The following RBM46 variants were observed in gnomAD, a reference collection of about 807,000 sequenced individuals.
RBM46 encodes probable RNA-binding protein 46.
RBM46 carries 12 observed loss-of-function variants against 43.3 expected under a neutral mutation model. The observed-to-expected ratio is 0.28, with a 90% CI of 0.18 to 0.45. The LOEUF is 0.45. Among genes scored for constraint, RBM46 ranks in the 20% least tolerant of loss-of-function variants. The probability of loss-of-function intolerance (pLI) is 1.00; values close to 1 mark genes in which losing one functional copy is unlikely to be tolerated. For synonymous variants in RBM46, 205 were observed against 207.6 expected, an observed-to-expected ratio of 0.99 and a Z score of 0.11; for missense variants, 412 against 639.1, an observed-to-expected ratio of 0.64 and a Z score of 3.83.
intron 2 of RBM46, among the ~76,000 whole-genome samples, chr4:154,797,116 G>C (rs914478164): frequency 1.3e-5 from 2 of 151,976 alleles, no homozygotes; most frequent in African/African-American, 4.8e-5. Context: ...AGAAGCAGTT[G>C]AGAAAGAAGC....
intron 1 of RBM46, among the ~76,000 whole-genome samples, chr4:154,784,400 T>G (rs1271942026): frequency 6.6e-6 from 1 of 152,210 alleles, no homozygotes; most frequent in Non-Finnish European, 1.5e-5. Flanking sequence ...AATACATATT[T>G]TTGATAATTG....
At chr4:154,818,043 T>C (rs1735541198) in intron 4 of RBM46, among the ~76,000 whole-genome samples, 1 of 152,130 alleles carries the variant, frequency 6.6e-6, no homozygotes, top group Admixed American at 6.5e-5. Flanking sequence ...ATTTATGTAG[T>C]GTCATTGGTA....
intron 3 of RBM46, 37 bp downstream of exon 3, chr4:154,798,315 T>G: frequency 7.7e-7 from 1 of 1,299,464 alleles, no homozygotes; most frequent in Non-Finnish European, 1.1e-6. Context: ...TTAACATTAT[T>G]ACAAATATGG....
At chr4:154,826,868 G>A (rs1043108574) in intron 4 of RBM46, 1 of 1,490,060 alleles carries the variant, frequency 6.7e-7, no homozygotes, top group East Asian at 2.5e-5. Flanking sequence ...TGCACCTATG[G>A]TGTAGGCATC....
chr4:154,818,566 G>GTA (rs1735575910), intron 4 of RBM46, among the ~76,000 whole-genome samples: 1 of 151,994 alleles, frequency 6.6e-6, no homozygotes, highest in Non-Finnish European at 1.5e-5. Flanking sequence ...TTTGACTTTT[G>GTA]TATAGTCTTC....
intron 4 of RBM46, among the ~76,000 whole-genome samples, chr4:154,801,151 G>A (rs1734618967): frequency 6.6e-6 from 1 of 151,966 alleles, no homozygotes; most frequent in African/African-American, 2.4e-5. Context: ...GCTAATTTTT[G>A]TATTTTAAGT....
chr4:154,798,947 G>A lies in RBM46; in HGVS notation c.785G>A (p.Gly262Asp), dbSNP rs780893242. 1 of 1,613,490 alleles carries A rather than the reference G, an allele frequency of 6.2e-7. No homozygotes were observed. Among genetic ancestry groups the A allele is most frequent in the African/African-American group, 1.3e-5 (1 of 74,830 alleles). Reference sequence around the variant, plus strand: ...GCAGAATTCAATAAATTTAAGCCTGGTGCAGTTGAACGGGTAAAGAAACTT... The same window carrying A: ...GCAGAATTCAATAAATTTAAGCCTGATGCAGTTGAACGGGTAAAGAAACTT... ...IKAEFNKFKP[G>D]AVERVKKLRD... Residue 262 changes from glycine to aspartate, a missense_variant, in exon 4 of 5, where the codon GGT (glycine) becomes GAT (aspartate). Coordinates refer to ENST00000281722, the MANE Select transcript of RBM46 (RefSeq NM_144979.5).
Position 154,794,889 on chromosome 4 carries a change from CTT to C in RBM46, c.-11-1843_-11-1842del, listed in dbSNP as rs35540820. Among the ~76,000 whole-genome samples, 10 of 146,964 alleles carry C rather than the reference CTT, an allele frequency of 6.8e-5. No individual in the cohort carries two copies. The South Asian group carries it at 8.6e-4, about 13-fold the overall frequency. ...AAGTATTCTTACCTCTTATTATTTG[CTT>C]TTTTTTTTTAATCATCTGTTATTTT... On this transcript the variant is annotated intron_variant, in intron 1 of 4. Coordinates refer to ENST00000281722, the MANE Select transcript of RBM46 (RefSeq NM_144979.5).
chr4:154,797,808 C>G lies in RBM46; in HGVS notation c.152-3C>G, dbSNP rs1734426799. The stretch of plus-strand genomic sequence containing the variant: ...TATGTGTCTTTTCATTTTTGTCGTT[C>G]AGGTTGGGAAGGTCCACCTCCACCT... On this transcript the variant is annotated splice_polypyrimidine_tract_variant and splice_region_variant and intron_variant, in intron 2 of 4. Transcript: ENST00000281722. 6.6e-7 allele frequency: 1 copy of G among 1,503,994 alleles called. No homozygotes were observed. The highest frequency in any genetic ancestry group is 8.9e-7 in the Non-Finnish European group (1 of 1,125,832). The allele number at this position is 1,503,994 out of a possible 1,614,324, so 93.2% of individuals were successfully genotyped here. A position where few individuals can be genotyped will look rare whatever the true frequency, so the allele number is the denominator to read the frequency against.
chr4:154,786,899 C>T (rs971431809), intron 1 of RBM46, among the ~76,000 whole-genome samples: 6 of 152,086 alleles, frequency 3.9e-5, no homozygotes, highest in African/African-American at 1.4e-4. Flanking sequence ...TGCACTCCAG[C>T]CTGGGTGACA....
chr4:154,809,509 G>A (rs1735076773), intron 4 of RBM46, among the ~76,000 whole-genome samples: 2 of 152,024 alleles, frequency 1.3e-5, no homozygotes, highest in African/African-American at 4.8e-5. Flanking sequence ...CATGAAAAAT[G>A]GAAAGGAAAT....
chr4:154,813,320 A>G (rs1249245160), intron 4 of RBM46, among the ~76,000 whole-genome samples: 1 of 152,108 alleles, frequency 6.6e-6, no homozygotes, highest in Non-Finnish European at 1.5e-5. Context: ...CCAGTATATA[A>G]TTTTTAACAT....
At chr4:154,791,929 G>A (rs965601809) in intron 1 of RBM46, among the ~76,000 whole-genome samples, 1 of 152,112 alleles carries the variant, frequency 6.6e-6, no homozygotes, top group Non-Finnish European at 1.5e-5. Context: ...GCATGAAATA[G>A]TTTTTCGGAG....
intron 4 of RBM46, among the ~76,000 whole-genome samples, chr4:154,800,023 G>A (rs866267329): frequency 3.3e-5 from 5 of 151,916 alleles, no homozygotes; most frequent in South Asian, 2.1e-4. Context: ...TGCCCGCCTC[G>A]GCCTCCCAAA....
At chr4:154,789,163 T>G (rs1281903653) in intron 1 of RBM46, among the ~76,000 whole-genome samples, 1 of 152,172 alleles carries the variant, frequency 6.6e-6, no homozygotes, top group African/African-American at 2.4e-5. Context: ...TGAATACCCT[T>G]TATTTATTTC....
intron 1 of RBM46, among the ~76,000 whole-genome samples, chr4:154,782,376 T>C (rs903318045): frequency 2.6e-5 from 4 of 152,264 alleles, no homozygotes; most frequent in African/African-American, 9.6e-5. Context: ...TCTTTAAGCT[T>C]TAACTGTCTT....
Position 154,806,665 on chromosome 4 carries a change from TAAATA to T in RBM46, c.1402+7105_1402+7109del, listed in dbSNP as rs781413613. On this transcript the variant is annotated intron_variant, in intron 4 of 4. Coordinates refer to ENST00000281722, the MANE Select transcript of RBM46 (RefSeq NM_144979.5). ...CAGAACAGCTGGAAAAAAAAATAAATAAATAAAAGATTCAGTCAGTCAACTGTTTT... is the reference window on the plus strand; with the variant it reads ...CAGAACAGCTGGAAAAAAAAATAAATAAAGATTCAGTCAGTCAACTGTTTT... Among the ~76,000 whole-genome samples, 37 of 151,888 alleles carry T rather than the reference TAAATA, an allele frequency of 2.4e-4. No individual in the cohort carries two copies. In the Middle Eastern group the frequency reaches 0.014, roughly 56 times the overall value.
At chr4:154,790,260 G>T (rs1734015739) in intron 1 of RBM46, 1 of 152,136 alleles carries the variant, frequency 6.6e-6, no homozygotes, top group Admixed American at 6.5e-5. Flanking sequence ...TAATTGTGAT[G>T]TTAGGGTGTC....
chr4:154,801,698 GTTTAA>G (rs1734647200), intron 4 of RBM46, among the ~76,000 whole-genome samples: 2 of 152,042 alleles, frequency 1.3e-5, no homozygotes, highest in South Asian at 2.1e-4. Context: ...AGCCATATTA[GTTTAA>G]TTTATGGCAA....
Sources: gnomAD v4.1 joint callset for allele counts (sites outside exome capture counted in the v4.1 genomes callset) on GRCh38, gnomAD v4.1.1 for gene constraint, MANE v1.5 for transcripts, NCBI Gene and HGNC (gene_info 2026-07-23, HGNC 2026-07-21) for gene names.